Variants in MACROD2 observed in about 807,000 individuals in gnomAD.
MACROD2 encodes ADP-ribose glycohydrolase MACROD2.
Under a neutral mutation model 70.4 loss-of-function variants are expected in MACROD2, and 36 were observed. The ratio of observed to expected loss-of-function variants is 0.51; its 90% CI spans 0.39 to 0.68. MACROD2 has a LOEUF of 0.68. MACROD2 is among the 30% of genes least tolerant of loss of function. The pLI, the probability that MACROD2 is intolerant of heterozygous loss-of-function variation, is 0.00. For synonymous variants in MACROD2, 172 were observed against 178.8 expected, an observed-to-expected ratio of 0.96 and a Z score of 0.30; for missense variants, 496 against 538.4, an observed-to-expected ratio of 0.92 and a Z score of 0.78.
intron 5 of MACROD2, among the ~76,000 whole-genome samples, chr20:14,866,272 C>T (rs2073426702): frequency 6.6e-6 from 1 of 152,092 alleles, no homozygotes; most frequent in African/African-American, 2.4e-5. Flanking sequence ...CAGCTGCATA[C>T]TGTAGGAGCT....
At chr20:15,051,356 G>A (rs1395941464) in intron 5 of MACROD2, among the ~76,000 whole-genome samples, 2 of 67,338 alleles carry the variant, frequency 3.0e-5, no homozygotes, top group African/African-American at 1.2e-4. Flanking sequence ...GTGTGTGTGT[G>A]TGTGTGTGTG....
intron 5 of MACROD2, among the ~76,000 whole-genome samples, chr20:15,026,474 T>C (rs1345233631): frequency 1.3e-5 from 2 of 151,306 alleles, no homozygotes; most frequent in Non-Finnish European, 2.9e-5. Flanking sequence ...GAGAATAATG[T>C]TTTGTGTTTG....
intron 7 of MACROD2, among the ~76,000 whole-genome samples, chr20:15,453,214 C>CCTTT (rs2046667818): frequency 8.6e-6 from 1 of 115,940 alleles, no homozygotes; most frequent in Admixed American, 8.8e-5. Context: ...GCTGTTTTCC[C>CCTTT]CTTTCTCTCT....
chr20:14,206,439 AG>A (rs964124306), intron 3 of MACROD2, among the ~76,000 whole-genome samples: 9 of 152,224 alleles, frequency 5.9e-5, no homozygotes, highest in African/African-American at 2.2e-4. Context: ...AAAAACGTTC[AG>A]GAAATATTTA....
At chr20:15,786,022 A>C (rs576643298) in intron 8 of MACROD2, among the ~76,000 whole-genome samples, 39 of 152,314 alleles carry the variant, frequency 2.6e-4, no homozygotes, top group African/African-American at 9.4e-4. Flanking sequence ...ATCGAAGAAT[A>C]GATACAAGGG....
chr20:14,636,232 C>T (rs543177301), intron 4 of MACROD2, among the ~76,000 whole-genome samples: 141 of 151,844 alleles, frequency 9.3e-4, no homozygotes, highest in African/African-American at 3.0e-3. Context: ...GAATTTGTTT[C>T]GGAAGTTCCT....
intron 8 of MACROD2, among the ~76,000 whole-genome samples, chr20:15,799,475 A>T (rs1374589622): frequency 6.6e-6 from 1 of 152,088 alleles, no homozygotes; most frequent in East Asian, 1.9e-4. Flanking sequence ...GCCTCTGGGA[A>T]CCATCATTCT....
chr20:15,022,360 A>G (rs75654481), intron 5 of MACROD2, among the ~76,000 whole-genome samples: 3,684 of 152,076 alleles, frequency 0.024, 143 homozygotes, highest in African/African-American at 0.084. Context: ...GAAAAGCTCC[A>G]TTTTCTGGCT....
chr20:15,109,916 G>A (rs1478725708), intron 5 of MACROD2, among the ~76,000 whole-genome samples: 1 of 151,900 alleles, frequency 6.6e-6, no homozygotes, highest in Non-Finnish European at 1.5e-5. Context: ...TTTTGTATTT[G>A]GGAGATTGGA....
intron 8 of MACROD2, among the ~76,000 whole-genome samples, chr20:15,668,716 C>T (rs1225234222): frequency 6.6e-6 from 1 of 152,140 alleles, no homozygotes; most frequent in African/African-American, 2.4e-5. Flanking sequence ...TACATTTTCT[C>T]CCTCGTTTTC....
rs145096502 is a variant in MACROD2 at position 15,420,544 on chromosome 20, T to C, written c.541-10861T>C. ...GGCACTGTAATAGTGTTTGCACTTT[T>C]GAATGCAGTTTTTGAAGGAGACGGC... On this transcript the variant is annotated intron_variant, in intron 6 of 17. Transcript: ENST00000684519. Among the ~76,000 whole-genome samples the C allele has an allele frequency of 3.9e-4, 59 of 152,274 alleles. 1 individual carries two copies. In the East Asian group the frequency reaches 0.011, roughly 29 times the overall value.
intron 2 of MACROD2, among the ~76,000 whole-genome samples, chr20:14,047,500 C>T (rs915040192): frequency 6.7e-6 from 1 of 148,592 alleles, no homozygotes; most frequent in African/African-American, 2.5e-5. Flanking sequence ...AAACACCAAA[C>T]TTAGGTTATT....
chr20:15,359,380 A>G (rs2078325609), intron 6 of MACROD2, among the ~76,000 whole-genome samples: 1 of 152,028 alleles, frequency 6.6e-6, no homozygotes, highest in Admixed American at 6.6e-5. Context: ...AGGAGAATCA[A>G]TTATATTAAA....
intron 5 of MACROD2, among the ~76,000 whole-genome samples, chr20:15,225,648 T>C (rs1479024324): frequency 1.3e-5 from 2 of 152,202 alleles, no homozygotes; most frequent in East Asian, 1.9e-4. Context: ...ATTTTTATGT[T>C]GTAATGTGTC....
intron 6 of MACROD2, among the ~76,000 whole-genome samples, chr20:15,407,144 C>G (rs1463743178): frequency 6.6e-6 from 1 of 152,210 alleles, no homozygotes; most frequent in Non-Finnish European, 1.5e-5. Context: ...CAGGGTGTTA[C>G]TACCCGGCTT....
intron 8 of MACROD2, among the ~76,000 whole-genome samples, chr20:15,685,935 G>A (rs1192083974): frequency 6.6e-6 from 1 of 152,164 alleles, no homozygotes; most frequent in African/African-American, 2.4e-5. Context: ...CTCTTCCATG[G>A]CAGAGTATGT....
intron 5 of MACROD2, among the ~76,000 whole-genome samples, chr20:15,077,727 A>G (rs1568561585): frequency 6.6e-6 from 1 of 152,162 alleles, no homozygotes; most frequent in Non-Finnish European, 1.5e-5. Flanking sequence ...TCTTGCCTAC[A>G]TTAAGTTTCA....
At chr20:15,724,465 G>T (rs2050832530) in intron 8 of MACROD2, among the ~76,000 whole-genome samples, 1 of 115,750 alleles carries the variant, frequency 8.6e-6, no homozygotes, top group African/African-American at 3.2e-5. Context: ...TAAGGTCTTT[G>T]TCTAAATTCA....
intron 5 of MACROD2, among the ~76,000 whole-genome samples, chr20:14,751,987 A>G (rs978489721): frequency 6.6e-6 from 1 of 151,882 alleles, no homozygotes; most frequent in South Asian, 2.1e-4. Flanking sequence ...CCATAATGAA[A>G]CATTGTCTTG....
Sources: gnomAD v4.1 joint callset for allele counts (sites outside exome capture counted in the v4.1 genomes callset) on GRCh38, gnomAD v4.1.1 for gene constraint, MANE v1.5 for transcripts, NCBI Gene and HGNC (gene_info 2026-07-23, HGNC 2026-07-21) for gene names.